Variants in PPP2R5E observed in about 807,000 individuals in gnomAD.
PPP2R5E encodes the protein protein phosphatase 2 regulatory subunit B'epsilon.
In PPP2R5E, 4 loss-of-function variants were observed where a neutral mutation model predicts 65.3. That is an observed-to-expected ratio of 0.06 (90% CI 0.03 to 0.14). The LOEUF (loss-of-function observed/expected upper bound fraction) is 0.14. Among genes scored for constraint, PPP2R5E ranks in the 10% least tolerant of loss-of-function variants. The pLI, the probability that PPP2R5E is intolerant of heterozygous loss-of-function variation, is 1.00. For synonymous variants in PPP2R5E, 183 were observed against 187.4 expected (o/e 0.98, Z 0.19); for missense variants, 274 against 556.1 (o/e 0.49, Z 5.10).
At chr14:63,399,194 C>T (rs1885590734) in intron 5 of PPP2R5E, among the ~76,000 whole-genome samples, 1 of 152,040 alleles carries the variant, frequency 6.6e-6, no homozygotes, top group Admixed American at 6.6e-5. Flanking sequence ...GTAACTGATA[C>T]ATGTTACAAC....
intron 2 of PPP2R5E, among the ~76,000 whole-genome samples, chr14:63,456,387 T>C (rs1020179438): frequency 6.6e-6 from 1 of 152,242 alleles, no homozygotes; most frequent in African/African-American, 2.4e-5. Context: ...TGTTAGGCAG[T>C]TGAAATTTAT....
chr14:63,519,214 CA>C (rs951879507), intron 2 of PPP2R5E, among the ~76,000 whole-genome samples: 2 of 144,310 alleles, frequency 1.4e-5, no homozygotes, highest in Non-Finnish European at 3.0e-5. Context: ...GACTCCGTCT[CA>C]AAAAAAAAGA....
At chr14:63,511,115 C>A (rs1348064502) in intron 2 of PPP2R5E, among the ~76,000 whole-genome samples, 1 of 152,200 alleles carries the variant, frequency 6.6e-6, no homozygotes, top group East Asian at 1.9e-4. Context: ...TAGCTCCTCC[C>A]ACAAAGAGGT....
At chr14:63,407,515 AT>A (rs1886153350) in intron 5 of PPP2R5E, among the ~76,000 whole-genome samples, 1 of 151,750 alleles carries the variant, frequency 6.6e-6, no homozygotes, top group South Asian at 2.1e-4. Flanking sequence ...TGCAGATGAA[AT>A]TTTTTATTCT....
chr14:63,383,450 G>A (rs1884484578), intron 12 of PPP2R5E, among the ~76,000 whole-genome samples: 1 of 152,180 alleles, frequency 6.6e-6, no homozygotes, highest in East Asian at 1.9e-4. Context: ...GCAGTGATGG[G>A]AAAGCACCAA....
At chr14:63,394,523 C>T (rs1016491479) in intron 7 of PPP2R5E, among the ~76,000 whole-genome samples, 3 of 152,128 alleles carry the variant, frequency 2.0e-5, no homozygotes, top group African/African-American at 7.2e-5. Context: ...TTATCAAAAC[C>T]CTTTATTTTC....
chr14:63,420,060 T>G (rs1430932260), intron 4 of PPP2R5E, among the ~76,000 whole-genome samples: 1 of 151,326 alleles, frequency 6.6e-6, no homozygotes, highest in Admixed American at 6.6e-5. Context: ...AGTAAAAGTT[T>G]ATTGTACTTT....
intron 2 of PPP2R5E, among the ~76,000 whole-genome samples, chr14:63,497,174 C>T (rs1235479574): frequency 6.6e-6 from 1 of 152,108 alleles, no homozygotes; most frequent in Admixed American, 6.5e-5. Context: ...ACATGCAATA[C>T]CTATATGATA....
chr14:63,413,771 G>A (rs76467367), intron 5 of PPP2R5E, among the ~76,000 whole-genome samples: 14 of 152,106 alleles, frequency 9.2e-5, no homozygotes, highest in East Asian at 1.9e-4. Flanking sequence ...TATTTACCCC[G>A]TGATCCACGT....
At chr14:63,514,802 T>C (rs1180869928) in intron 2 of PPP2R5E, among the ~76,000 whole-genome samples, 1 of 152,196 alleles carries the variant, frequency 6.6e-6, no homozygotes, top group African/African-American at 2.4e-5. Flanking sequence ...GCGCCTATCA[T>C]GTGTTAGCTG....
chr14:63,448,121 C>T (rs530729318), intron 3 of PPP2R5E, among the ~76,000 whole-genome samples: 1 of 151,890 alleles, frequency 6.6e-6, no homozygotes, highest in Non-Finnish European at 1.5e-5. Context: ...CATGGTGAAA[C>T]CCTGTCTCTA....
At chr14:63,453,982 T>A (rs539270391) in intron 2 of PPP2R5E, 97 bp from the exon 3 acceptor site, 1 of 967,856 alleles carries the variant, frequency 1.0e-6, no homozygotes, top group Non-Finnish European at 1.4e-6. Context: ...TAAAAAAAAA[T>A]AAGAATTCAC....
At chr14:63,469,123 C>T (rs1014438144) in intron 2 of PPP2R5E, among the ~76,000 whole-genome samples, 3 of 152,164 alleles carry the variant, frequency 2.0e-5, no homozygotes, top group African/African-American at 7.2e-5. Context: ...TTTTTACATG[C>T]CAGGCACTAG....
intron 2 of PPP2R5E, among the ~76,000 whole-genome samples, chr14:63,501,428 T>C (rs1405715489): frequency 6.6e-6 from 1 of 150,458 alleles, no homozygotes; most frequent in Non-Finnish European, 1.5e-5. Flanking sequence ...AAAGAAAATG[T>C]TAATAAGATA....
Position 63,400,358 on chromosome 14 carries a change from T to C in PPP2R5E, c.550-3642A>G, listed in dbSNP as rs373345672. Among the ~76,000 whole-genome samples, 7 of 152,230 alleles carry C rather than the reference T, an allele frequency of 4.6e-5. No homozygotes were observed. The East Asian group carries it at 1.4e-3, about 29-fold the overall frequency. On this transcript the variant is annotated intron_variant, in intron 5 of 13. Coordinates refer to ENST00000337537, the MANE Select transcript of PPP2R5E (RefSeq NM_006246.5). Reference sequence around the variant, plus strand: ...ACTGTATTTGGAAGAAGTGGAGTGATCAGCAAAGGCTTCTAAAGGAAGAGA... The same window carrying C: ...ACTGTATTTGGAAGAAGTGGAGTGACCAGCAAAGGCTTCTAAAGGAAGAGA...
chr14:63,530,943 T>C (rs1476190577), intron 2 of PPP2R5E, among the ~76,000 whole-genome samples: 3 of 152,182 alleles, frequency 2.0e-5, no homozygotes. Flanking sequence ...CATAAAACTC[T>C]GTACAATAAT....
chr14:63,516,338 T>G (rs1566756554), intron 2 of PPP2R5E, among the ~76,000 whole-genome samples: 4 of 152,208 alleles, frequency 2.6e-5, no homozygotes. Context: ...GAAAAAAATC[T>G]AAGAATAAAG....
intron 3 of PPP2R5E, among the ~76,000 whole-genome samples, chr14:63,425,694 G>A (rs1437248332): frequency 6.6e-6 from 1 of 152,176 alleles, no homozygotes; most frequent in Non-Finnish European, 1.5e-5. Context: ...TGTCTTCCCA[G>A]CATATACTAA....
chr14:63,539,139 GA>G (rs1208971072), intron 2 of PPP2R5E, among the ~76,000 whole-genome samples: 1 of 152,010 alleles, frequency 6.6e-6, no homozygotes, highest in Non-Finnish European at 1.5e-5. Context: ...GTAAATTAAT[GA>G]ATGGTACCAT....
Sources: gnomAD v4.1 joint callset for allele counts (sites outside exome capture counted in the v4.1 genomes callset) on GRCh38, gnomAD v4.1.1 for gene constraint, MANE v1.5 for transcripts, NCBI Gene and HGNC (gene_info 2026-07-23, HGNC 2026-07-21) for gene names.